Variants in KPNA5 observed in about 807,000 individuals in gnomAD.
KPNA5 encodes the protein karyopherin subunit alpha 5, also known as importin subunit alpha-6.
Under a neutral mutation model 71.3 loss-of-function variants are expected in KPNA5, and 46 were observed. The ratio of observed to expected loss-of-function variants is 0.65; its 90% CI spans 0.51 to 0.83. KPNA5 has a LOEUF of 0.83. KPNA5 is among the 40% of genes least tolerant of loss of function. KPNA5 has a pLI of 0.00. For synonymous variants in KPNA5, 207 were observed against 201.4 expected, an observed-to-expected ratio of 1.03 and a Z score of -0.24; for missense variants, 547 against 628.3, an observed-to-expected ratio of 0.87 and a Z score of 1.38.
At chr6:116,707,737 C>T (rs62424410) in intron 7 of KPNA5, among the ~76,000 whole-genome samples, 7,445 of 152,200 alleles carry the variant, frequency 0.049, 193 homozygotes, top group African/African-American at 0.069. Context: ...TTAGGAAAGC[C>T]TTTAGAACAG....
chr6:116,709,232 T>A (rs995856590), intron 7 of KPNA5, among the ~76,000 whole-genome samples: 4 of 152,232 alleles, frequency 2.6e-5, no homozygotes, highest in African/African-American at 9.6e-5. Context: ...CACATGCCTG[T>A]AGTCTCAGAT....
At chr6:116,717,764 T>C (rs945262642) in intron 8 of KPNA5, among the ~76,000 whole-genome samples, 1 of 152,182 alleles carries the variant, frequency 6.6e-6, no homozygotes, top group African/African-American at 2.4e-5. Context: ...GATTCTTCCC[T>C]TAAGGGTGCG....
chr6:116,688,820 G>T (rs1192525470), intron 1 of KPNA5, among the ~76,000 whole-genome samples: 1 of 152,158 alleles, frequency 6.6e-6, no homozygotes, highest in Non-Finnish European at 1.5e-5. Context: ...AATGCCTTCA[G>T]TAAGTGAAAG....
chr6:116,718,060 T>C (rs606242), intron 8 of KPNA5, among the ~76,000 whole-genome samples: 67,773 of 151,696 alleles, frequency 0.45, 18,164 homozygotes, highest in African/African-American at 0.76. Flanking sequence ...TTTAAAGATG[T>C]AATGTGATAA....
rs1167271338 is a variant in KPNA5 at position 116,741,637 on chromosome 6, G to C, written c.*9314G>C. 6.5e-6 allele frequency: 1 copy of C among 153,268 alleles called. No individual in the cohort carries two copies. The highest frequency in any genetic ancestry group is 2.1e-4 in the South Asian group (1 of 4,828). The allele number at this position is 153,268 out of a possible 1,614,324, so 9.5% of individuals were successfully genotyped here. On this transcript the variant is annotated 3_prime_UTR_variant, in exon 14 of 14. Coordinates refer to ENST00000368564, the MANE Select transcript of KPNA5 (RefSeq NM_001366306.2). ...AAGTCTTCTGTACCAATGCACCAGAGAATGCCTACCATCCAAAAAAGCAGT... is the reference window on the plus strand; with the variant it reads ...AAGTCTTCTGTACCAATGCACCAGACAATGCCTACCATCCAAAAAAGCAGT...
chr6:116,711,636 A>G (rs563786858), intron 7 of KPNA5, among the ~76,000 whole-genome samples: 76 of 150,914 alleles, frequency 5.0e-4, no homozygotes, highest in Non-Finnish European at 1.0e-3. Context: ...TTCTGTCTGT[A>G]TTTTTAGTTT....
Position 116,699,443 on chromosome 6 carries a change from A to G in KPNA5, c.435+645A>G, listed in dbSNP as rs1778150922. 5.3e-5 allele frequency among the ~76,000 whole-genome samples: 8 copies of G among 152,300 alleles called. No individual in the cohort carries two copies. In the South Asian group the frequency reaches 1.7e-3, roughly 32 times the overall value. ...GTTGGAATTTTATCTATGTATCAGG[A>G]ATTGCACAAGACATACACCTAACTT... On this transcript the variant is annotated intron_variant, in intron 5 of 13. Transcript: ENST00000368564.
In KPNA5 at chr6:116,722,225, C is replaced by T; in HGVS notation, c.856C>T (p.Pro286Ser). Residue 286 changes from proline to serine, a missense_variant, in exon 9 of 14, where the codon CCC becomes TCC. Physicochemically the swap from Pro to Ser is moderately conservative, Grantham distance 74. Coordinates refer to ENST00000368564, the MANE Select transcript of KPNA5 (RefSeq NM_001366306.2). ...GGCCCTTTCTTATCTCTCCGATGGACCCAATGATAAAATTCAAGCAGTCAT... is the reference window on the plus strand; with the variant it reads ...GGCCCTTTCTTATCTCTCCGATGGATCCAATGATAAAATTCAAGCAGTCAT... ...CWALSYLSDG[P>S]NDKIQAVIDS... 3 of 1,612,956 alleles carry T rather than the reference C, an allele frequency of 1.9e-6. No individual in the cohort carries two copies. The highest frequency in any genetic ancestry group is 2.5e-6 in the Non-Finnish European group (3 of 1,179,346).
intron 12 of KPNA5, among the ~76,000 whole-genome samples, chr6:116,728,749 G>A (rs62424413): frequency 6.6e-6 from 1 of 151,954 alleles, no homozygotes; most frequent in African/African-American, 2.4e-5. Context: ...TTTAAGATGG[G>A]GAAACTGAGA....
In KPNA5 at chr6:116,702,114, A is replaced by G. The variant is rs747909979; in HGVS notation, c.531A>G (p.Lys177=). The change falls in exon 6 of 14, where the codon AAA becomes AAG. Residue 177 remains lysine (K), a synonymous_variant. Transcript: ENST00000368564. ...CTGGGGCTGTTCCGATTTTTATCAA[A>G]CTTCTTAATTCTGAACATGAAGATG... ...IETGAVPIFI[K]LLNSEHEDVQ... is the part of the protein sequence containing the mutation. 12 of 1,613,818 alleles carry G rather than the reference A, an allele frequency of 7.4e-6. No individual in the cohort carries two copies. The highest frequency in any genetic ancestry group is 1.0e-5 in the Non-Finnish European group (12 of 1,179,950).
intron 4 of KPNA5, among the ~76,000 whole-genome samples, chr6:116,698,279 T>A (rs140528519): frequency 6.6e-6 from 1 of 152,128 alleles, no homozygotes; most frequent in East Asian, 1.9e-4. Flanking sequence ...CAAAAAAGAA[T>A]CTTGTTTGAC....
chr6:116,698,935 C>G (rs185557913), intron 5 of KPNA5, 137 bp downstream of exon 5: 21 of 468,392 alleles, frequency 4.5e-5, no homozygotes, highest in Admixed American at 4.0e-4. Context: ...GTAGTGCTGC[C>G]TATCTTGTCT....
intron 4 of KPNA5, among the ~76,000 whole-genome samples, chr6:116,697,592 C>T (rs528868498): frequency 5.3e-5 from 8 of 152,116 alleles, no homozygotes; most frequent in Admixed American, 3.3e-4. Context: ...TCATCCTACT[C>T]ATCAAACACA....
intron 11 of KPNA5, 142 bp from the exon 12 acceptor site, chr6:116,726,353 C>A: frequency 1.6e-6 from 1 of 644,924 alleles, no homozygotes; most frequent in Non-Finnish European, 2.5e-6. Flanking sequence ...AGTTTGCTGA[C>A]AGAATAGAAA....
Position 116,716,280 on chromosome 6 carries a change from T to G in KPNA5, c.718T>G (p.Leu240Val), listed in dbSNP as rs369172691. 1.2e-6 allele frequency: 2 copies of G among 1,613,360 alleles called. No homozygotes were observed. The highest frequency in any genetic ancestry group is 2.7e-5 in the African/African-American group (2 of 74,900). The change falls in exon 8 of 14, where the codon TTA (leucine) becomes GTA (valine). Residue 240 changes from leucine (L) to valine (V), a missense_variant. Physicochemically the swap from Leu to Val is conservative, Grantham distance 32. Coordinates refer to ENST00000368564, the MANE Select transcript of KPNA5 (RefSeq NM_001366306.2). Reference sequence around the variant, plus strand: ...AAATGCCGTGTGGGCCCTCTCAAATTTATGTAGAGGCAAAAACCCTCCTCC... The same window carrying G: ...AAATGCCGTGTGGGCCCTCTCAAATGTATGTAGAGGCAAAAACCCTCCTCC... Reference protein sequence around the residue: ...TRNAVWALSNLCRGKNPPPNF... With the variant: ...TRNAVWALSNVCRGKNPPPNF...
In KPNA5 at chr6:116,722,228, A is replaced by G. The variant is rs1202794139; in HGVS notation, c.859A>G (p.Asn287Asp). Residue 287 changes from asparagine (N) to aspartate (D), a missense_variant, in exon 9 of 14, where the codon AAT becomes GAT. Transcript: ENST00000368564. ...CCTTTCTTATCTCTCCGATGGACCCAATGATAAAATTCAAGCAGTCATTGA... is the reference window on the plus strand; with the variant it reads ...CCTTTCTTATCTCTCCGATGGACCCGATGATAAAATTCAAGCAGTCATTGA... ...WALSYLSDGP[N>D]DKIQAVIDSG... is the part of the protein sequence containing the mutation. 3 of 1,613,122 alleles carry G rather than the reference A, an allele frequency of 1.9e-6. No individual in the cohort carries two copies. The highest frequency in any genetic ancestry group is 1.7e-5 in the Admixed American group (1 of 59,964).
At chr6:116,719,666 G>A (rs1779032927) in intron 8 of KPNA5, among the ~76,000 whole-genome samples, 2 of 152,002 alleles carry the variant, frequency 1.3e-5, no homozygotes, top group Admixed American at 6.6e-5. Context: ...GGGCAACATT[G>A]TAAGAGCCTG....
At chr6:116,701,561 GTT>G (rs1778231999) in intron 5 of KPNA5, among the ~76,000 whole-genome samples, 1 of 152,024 alleles carries the variant, frequency 6.6e-6, no homozygotes, top group African/African-American at 2.4e-5. Flanking sequence ...TAATTTTTTT[GTT>G]TCTTAAATAG....
intron 12 of KPNA5, among the ~76,000 whole-genome samples, 177 bp downstream of exon 12, chr6:116,726,799 G>A (rs550118441): frequency 1.4e-4 from 22 of 151,754 alleles, no homozygotes; most frequent in Admixed American, 2.6e-4. Flanking sequence ...CCCATTTAAC[G>A]TGTAATTAAC....
Sources: allele counts gnomAD v4.1 joint callset (sites outside exome capture counted in the v4.1 genomes callset), GRCh38; gene constraint gnomAD v4.1.1; transcripts MANE v1.5; gene names NCBI Gene and HGNC (gene_info 2026-07-23, HGNC 2026-07-21).